Variants in PABPC4L observed in about 807,000 individuals in gnomAD.
PABPC4L encodes the protein poly(A) binding protein cytoplasmic 4 like.
For missense variants in PABPC4L, 452 were observed against 451.4 expected (o/e 1.00, Z -0.01); for synonymous variants, 169 against 164.1 (o/e 1.03, Z -0.23).
the PABPC4L span, among the ~76,000 whole-genome samples, chr4:134,033,508 G>T: frequency 6.6e-6 from 1 of 151,852 alleles, no homozygotes; most frequent in Non-Finnish European, 1.5e-5. Flanking sequence ...CAAAAACTAG[G>T]CCTCTTGTAC....
the PABPC4L span, among the ~76,000 whole-genome samples, chr4:134,083,968 A>G: frequency 3.9e-5 from 6 of 152,068 alleles, no homozygotes; most frequent in African/African-American, 1.4e-4. Context: ...TGTTCTTGTC[A>G]TTTCTTATTT....
At chr4:134,186,763 G>A in the PABPC4L span, among the ~76,000 whole-genome samples, 996 of 152,164 alleles carry the variant, frequency 6.5e-3, 10 homozygotes, top group African/African-American at 0.022. Flanking sequence ...GCAACCTACA[G>A]AATGGGAAAA....
the PABPC4L span, among the ~76,000 whole-genome samples, chr4:134,179,253 T>C: frequency 6.6e-6 from 1 of 151,696 alleles, no homozygotes; most frequent in Non-Finnish European, 1.5e-5. Context: ...TTCAGCATTC[T>C]TAAAAGAAAA....
At chr4:133,952,962 G>C in the PABPC4L span, among the ~76,000 whole-genome samples, 1 of 152,046 alleles carries the variant, frequency 6.6e-6, no homozygotes, top group African/African-American at 2.4e-5. Flanking sequence ...TGTGCCCCTT[G>C]GTTGGTACAT....
At chr4:134,133,990 T>G in the PABPC4L span, among the ~76,000 whole-genome samples, 1 of 151,942 alleles carries the variant, frequency 6.6e-6, no homozygotes, top group Non-Finnish European at 1.5e-5. Flanking sequence ...ATTTTTAACT[T>G]AAATATTACA....
chr4:133,978,594 T>C, the PABPC4L span, among the ~76,000 whole-genome samples: 3 of 151,922 alleles, frequency 2.0e-5, no homozygotes, highest in African/African-American at 7.3e-5. Context: ...ATCTCCAATA[T>C]AAAATATTCT....
At chr4:134,113,498 T>C in the PABPC4L span, among the ~76,000 whole-genome samples, 1 of 151,968 alleles carries the variant, frequency 6.6e-6, no homozygotes, top group African/African-American at 2.4e-5. Context: ...CTAGAAACAA[T>C]AGCTGTATTA....
At chr4:134,149,133 ATAAT>A in the PABPC4L span, among the ~76,000 whole-genome samples, 23 of 152,112 alleles carry the variant, frequency 1.5e-4, 1 homozygote, top group Non-Finnish European at 2.6e-4. Context: ...ACTGTTCAAG[ATAAT>A]TAATCAGTCA....
the PABPC4L span, among the ~76,000 whole-genome samples, chr4:134,068,339 C>T: frequency 4.6e-5 from 7 of 152,084 alleles, no homozygotes; most frequent in Admixed American, 1.3e-4. Flanking sequence ...ATTAAAATAG[C>T]AATCCCCGCT....
the PABPC4L span, among the ~76,000 whole-genome samples, chr4:134,081,248 G>A: frequency 6.6e-6 from 1 of 152,090 alleles, no homozygotes; most frequent in Non-Finnish European, 1.5e-5. Flanking sequence ...GTGGAATGGG[G>A]TTTAGTCCAG....
the PABPC4L span, among the ~76,000 whole-genome samples, chr4:133,970,370 C>T: frequency 1.3e-5 from 2 of 151,908 alleles, no homozygotes; most frequent in African/African-American, 4.8e-5. Context: ...ACATTCTATC[C>T]CTAAGCAATC....
chr4:134,184,705 C>G, the PABPC4L span, among the ~76,000 whole-genome samples: 1 of 151,472 alleles, frequency 6.6e-6, no homozygotes, highest in East Asian at 1.9e-4. Flanking sequence ...GTGTAGATAC[C>G]AAGGATTGTG....
chr4:133,995,284 C>G, the PABPC4L span, among the ~76,000 whole-genome samples: 1 of 152,160 alleles, frequency 6.6e-6, no homozygotes, highest in African/African-American at 2.4e-5. Context: ...TTCGTATGAC[C>G]TGACTCTGCA....
At chr4:134,018,448 T>C in the PABPC4L span, among the ~76,000 whole-genome samples, 6 of 152,132 alleles carry the variant, frequency 3.9e-5, no homozygotes, top group Non-Finnish European at 8.8e-5. Context: ...GTCCAAATTA[T>C]TTTGCCACCC....
the PABPC4L span, among the ~76,000 whole-genome samples, chr4:134,059,338 A>C: frequency 6.6e-6 from 1 of 151,274 alleles, no homozygotes; most frequent in Non-Finnish European, 1.5e-5. Context: ...TGAAAGAAAA[A>C]AAAAGAAAAA....
At chr4:134,145,501 A>T in the PABPC4L span, among the ~76,000 whole-genome samples, 1 of 151,908 alleles carries the variant, frequency 6.6e-6, no homozygotes, top group East Asian at 1.9e-4. Context: ...GTCCATATAC[A>T]GTCTATTTTC....
At chr4:134,003,703 A>G in the PABPC4L span, among the ~76,000 whole-genome samples, 37 of 152,088 alleles carry the variant, frequency 2.4e-4, no homozygotes, top group African/African-American at 8.4e-4. Flanking sequence ...TAGTTGAACC[A>G]ATTATACTTG....
chr4:134,128,827 T>C, the PABPC4L span, among the ~76,000 whole-genome samples: 1 of 152,156 alleles, frequency 6.6e-6, no homozygotes, highest in Non-Finnish European at 1.5e-5. Flanking sequence ...CACATCTCAA[T>C]ACCATTGTTG....
the PABPC4L span, among the ~76,000 whole-genome samples, chr4:134,085,109 G>GA: frequency 1.3e-5 from 2 of 151,946 alleles, no homozygotes; most frequent in African/African-American, 4.8e-5. Context: ...CATTATTCAC[G>GA]AAGAATCAGT....
Sources: allele counts gnomAD v4.1 joint callset (sites outside exome capture counted in the v4.1 genomes callset), GRCh38; gene constraint gnomAD v4.1.1; transcripts MANE v1.5; gene names NCBI Gene and HGNC (gene_info 2026-07-23, HGNC 2026-07-21).